Variants in PRKACB observed in about 807,000 individuals in gnomAD.
PRKACB encodes the protein cAMP-dependent protein kinase catalytic subunit beta.
A neutral mutation model predicts 51.4 loss-of-function variants in PRKACB; 16 were observed. The ratio of observed to expected loss-of-function variants is 0.31; its 90% confidence interval spans 0.21 to 0.47. PRKACB has a LOEUF of 0.47. Among genes scored for constraint, PRKACB ranks in the 20% least tolerant of loss-of-function variants. The pLI is 1.00. For synonymous variants in PRKACB, 147 were observed against 154.4 expected, an observed-to-expected ratio of 0.95 and a Z score of 0.35; for missense variants, 309 against 464.5, an observed-to-expected ratio of 0.67 and a Z score of 3.08.
chr1:84,084,787 C>T (rs1362277267), intron 1 of PRKACB, among the ~76,000 whole-genome samples: 2 of 151,972 alleles, frequency 1.3e-5, no homozygotes, highest in East Asian at 3.9e-4. Flanking sequence ...ATACAGAGGG[C>T]AGGAGTACAT....
At chr1:84,150,326 A>G (rs1654691985) in intron 1 of PRKACB, among the ~76,000 whole-genome samples, 2 of 152,172 alleles carry the variant, frequency 1.3e-5, no homozygotes, top group Admixed American at 1.3e-4. Flanking sequence ...TTAACATTGT[A>G]AAATTTATTC....
In PRKACB at chr1:84,078,283, C is replaced by T. The variant is rs754148685; in HGVS notation, c.-43C>T. On this transcript the variant is annotated 5_prime_UTR_variant, in exon 1 of 9. Transcript: ENST00000370688. Reference sequence around the variant, plus strand: ...TGTGGAGTGGCGGGCACGGCCCCAGCCCCCCTTCCCTTCCCTGACCCCTTC... The same window carrying T: ...TGTGGAGTGGCGGGCACGGCCCCAGTCCCCCTTCCCTTCCCTGACCCCTTC... The T allele has an allele frequency of 6.3e-5, 98 of 1,567,832 alleles. No homozygotes were observed. In the South Asian group the frequency reaches 9.6e-4, roughly 15 times the overall value.
chr1:84,175,765 T>C (rs1661031086), intron 1 of PRKACB: 6 of 1,552,558 alleles, frequency 3.9e-6, no homozygotes, highest in Non-Finnish European at 5.2e-6. Flanking sequence ...TGTGGGTGAA[T>C]GTTCCTGCAA....
At chr1:84,212,304 T>C (rs1672251613) in intron 8 of PRKACB, among the ~76,000 whole-genome samples, 1 of 148,524 alleles carries the variant, frequency 6.7e-6, no homozygotes, top group African/African-American at 2.6e-5. Context: ...TCTCCCAGTT[T>C]ATTCTGATGT....
At chr1:84,119,045 A>G (rs984760192) in intron 1 of PRKACB, among the ~76,000 whole-genome samples, 6 of 152,194 alleles carry the variant, frequency 3.9e-5, no homozygotes, top group Non-Finnish European at 8.8e-5. Flanking sequence ...TAGGCATTGC[A>G]GTATCCAGGA....
At chr1:84,083,023 A>G (rs1262420030) in intron 1 of PRKACB, among the ~76,000 whole-genome samples, 1 of 152,208 alleles carries the variant, frequency 6.6e-6, no homozygotes, top group African/African-American at 2.4e-5. Context: ...TTTATTAACT[A>G]CAAAGTTAAA....
At chr1:84,200,691 CT>C (rs1669852216) in intron 7 of PRKACB, among the ~76,000 whole-genome samples, 1 of 152,052 alleles carries the variant, frequency 6.6e-6, no homozygotes, top group African/African-American at 2.4e-5. Context: ...TATCTTCAGT[CT>C]TTTGCATGTG....
At chr1:84,182,512 C>T (rs557371532) in intron 3 of PRKACB, among the ~76,000 whole-genome samples, 184 bp downstream of exon 3, 2 of 151,840 alleles carry the variant, frequency 1.3e-5, no homozygotes, top group African/African-American at 4.8e-5. Context: ...TACAGTCAGC[C>T]CTTCCATATC....
chr1:84,193,212 T>A (rs1471364814), intron 5 of PRKACB, among the ~76,000 whole-genome samples: 1 of 151,686 alleles, frequency 6.6e-6, no homozygotes, highest in African/African-American at 2.4e-5. Flanking sequence ...CAACCAAAAT[T>A]AAGAGTTTAG....
chr1:84,197,838 A>G lies in PRKACB; in HGVS notation c.783+14A>G. The G allele has an allele frequency of 1.9e-6, 3 of 1,545,994 alleles. No individual in the cohort carries two copies. Among genetic ancestry groups the G allele is most frequent in the Non-Finnish European group, 2.7e-6 (3 of 1,121,764 alleles). ...ATTCTCAGCAAGGTATATTCATAAT[A>G]TCAACACATAAGAAGTAGAAATATG... On this transcript the variant is annotated intron_variant, in intron 7 of 9. Coordinates refer to ENST00000370685, the MANE Select transcript of PRKACB (RefSeq NM_182948.4).
At chr1:84,126,931 T>C (rs1651669216) in intron 1 of PRKACB, among the ~76,000 whole-genome samples, 1 of 152,218 alleles carries the variant, frequency 6.6e-6, no homozygotes, top group South Asian at 2.1e-4. Context: ...TTGCCTGGAC[T>C]TTTGCAGTAG....
chr1:84,163,940 T>C (rs1656629854), intron 1 of PRKACB, among the ~76,000 whole-genome samples: 1 of 151,994 alleles, frequency 6.6e-6, no homozygotes, highest in Non-Finnish European at 1.5e-5. Context: ...TTCACCATGC[T>C]ACCCAGTCAG....
intron 1 of PRKACB, among the ~76,000 whole-genome samples, chr1:84,082,612 C>T (rs1647632939): frequency 6.6e-6 from 1 of 152,048 alleles, no homozygotes; most frequent in East Asian, 1.9e-4. Context: ...GGCAAATTCT[C>T]ATTTCACCAT....
chr1:84,160,007 C>G (rs1655988552), intron 1 of PRKACB, among the ~76,000 whole-genome samples: 1 of 152,024 alleles, frequency 6.6e-6, no homozygotes, highest in Admixed American at 6.6e-5. Flanking sequence ...GTTTTTGCAT[C>G]AATGTTTGCA....
chr1:84,098,475 C>G (rs572956106), intron 1 of PRKACB, among the ~76,000 whole-genome samples: 10 of 152,094 alleles, frequency 6.6e-5, no homozygotes, highest in African/African-American at 2.4e-4. Flanking sequence ...TTTAGGTCTG[C>G]TTGCATGTCT....
intron 1 of PRKACB, chr1:84,086,245 A>G (rs1647975898): frequency 1.3e-6 from 2 of 1,558,078 alleles, no homozygotes; most frequent in African/African-American, 2.7e-5. Context: ...AAGCAAGGAC[A>G]AGTCCTGGTT....
chr1:84,202,902 T>C (rs1670535571), intron 8 of PRKACB, 97 bp downstream of exon 8: 3 of 1,077,426 alleles, frequency 2.8e-6, no homozygotes, highest in South Asian at 5.3e-5. Context: ...TTATTCTACA[T>C]TGGGAAAAAT....
At chr1:84,131,013 A>C (rs985405792) in intron 1 of PRKACB, among the ~76,000 whole-genome samples, 25 of 152,336 alleles carry the variant, frequency 1.6e-4, no homozygotes, top group African/African-American at 6.0e-4. Context: ...AGAAGACTTT[A>C]AAGAGAACCA....
At chr1:84,136,992 AG>A (rs1652890419) in intron 1 of PRKACB, among the ~76,000 whole-genome samples, 1 of 152,110 alleles carries the variant, frequency 6.6e-6, no homozygotes, top group African/African-American at 2.4e-5. Context: ...TCTTTTTATA[AG>A]GGGCTCTTCC....
Sources: allele counts gnomAD v4.1 joint callset (sites outside exome capture counted in the v4.1 genomes callset), GRCh38; gene constraint gnomAD v4.1.1; transcripts MANE v1.5; gene names NCBI Gene and HGNC (gene_info 2026-07-23, HGNC 2026-07-21).